Variants in GALNT13 observed in about 807,000 individuals in gnomAD.
GALNT13 encodes UDP-GalNAc:polypeptide N-acetylgalactosaminyltransferase 13.
In GALNT13, 28 loss-of-function variants were observed where a neutral mutation model predicts 64.2. The observed-to-expected ratio is 0.44, with a 90% confidence interval of 0.32 to 0.60. The LOEUF (loss-of-function observed/expected upper bound fraction) is 0.60. Ranked by LOEUF, GALNT13 falls within the 20% of genes least tolerant of loss-of-function variation. GALNT13 has a pLI of 0.05. For missense variants in GALNT13, 577 were observed against 669.8 expected (o/e 0.86, Z 1.53); for synonymous variants, 214 against 224.6 (o/e 0.95, Z 0.42).
rs138432368 is a variant in GALNT13, at chr2:154,370,048, G to C, written c.1157-25943G>C. Among the ~76,000 whole-genome samples the C allele has an allele frequency of 4.3e-3, 654 of 152,212 alleles. 3 individuals are homozygous for C. Among genetic ancestry groups the C allele is most frequent in the African/African-American group, 0.015 (614 of 41,552 alleles). ...ATGAATCCTATTGGATTGGAGCCCT[G>C]CCCTGAGATTTCATTTTTTAAATTT... On this transcript the variant is annotated intron_variant, in intron 9 of 12. Transcript: ENST00000392825.
chr2:153,369,807 A>C, the GALNT13 span, among the ~76,000 whole-genome samples: 1 of 152,176 alleles, frequency 6.6e-6, no homozygotes, highest in Non-Finnish European at 1.5e-5. Context: ...AAGGCCTGAC[A>C]ATAACCACTT....
the GALNT13 span, among the ~76,000 whole-genome samples, chr2:153,438,710 T>G: frequency 6.6e-6 from 1 of 152,206 alleles, no homozygotes; most frequent in Non-Finnish European, 1.5e-5. Context: ...CATTGGTTAT[T>G]CTAGTTACCA....
the GALNT13 span, among the ~76,000 whole-genome samples, chr2:153,162,291 C>T: frequency 1.3e-5 from 2 of 152,152 alleles, no homozygotes; most frequent in African/African-American, 4.8e-5. Context: ...TTAATTTTCA[C>T]ATTTTTCATC....
the GALNT13 span, among the ~76,000 whole-genome samples, chr2:153,698,371 A>G: frequency 6.6e-6 from 1 of 152,216 alleles, no homozygotes. Flanking sequence ...AAAGACATAC[A>G]TAGGCTCAAA....
At chr2:154,370,423 CA>C (rs1158161246) in intron 9 of GALNT13, among the ~76,000 whole-genome samples, 4 of 151,964 alleles carry the variant, frequency 2.6e-5, no homozygotes, top group African/African-American at 9.7e-5. Context: ...ACTTCACAGT[CA>C]AAAAATAACT....
intron 9 of GALNT13, among the ~76,000 whole-genome samples, chr2:154,377,155 T>A (rs1200171930): frequency 6.6e-6 from 1 of 152,168 alleles, no homozygotes; most frequent in Non-Finnish European, 1.5e-5. Context: ...CATATTTAAA[T>A]ATATATTAGC....
chr2:154,097,505 ACT>A lies in GALNT13; in HGVS notation c.143-42831_143-42830del, dbSNP rs760255203. Among the ~76,000 whole-genome samples, 14 of 152,120 alleles carry A rather than the reference ACT, an allele frequency of 9.2e-5. No homozygotes were observed. The East Asian group carries it at 1.3e-3, about 15-fold the overall frequency. On this transcript the variant is annotated intron_variant, in intron 3 of 12. Transcript: ENST00000392825. The stretch of plus-strand genomic sequence containing the variant: ...TAAACCTAACATAAAGATAATATAC[ACT>A]GTTTATTAAAACAAACAAAATTATT...
the GALNT13 span, among the ~76,000 whole-genome samples, chr2:153,547,663 C>T: frequency 1.3e-5 from 2 of 152,128 alleles, no homozygotes; most frequent in African/African-American, 4.8e-5. Context: ...TAGGTAAGAA[C>T]ACATGTAATG....
chr2:154,150,510 G>T (rs200371387), intron 4 of GALNT13, among the ~76,000 whole-genome samples: 21 of 150,370 alleles, frequency 1.4e-4, no homozygotes, highest in African/African-American at 4.2e-4. Context: ...AATGGTACCA[G>T]TTCCTCCTTG....
chr2:153,946,839 A>T (rs750080535), intron 3 of GALNT13, among the ~76,000 whole-genome samples: 17 of 152,096 alleles, frequency 1.1e-4, no homozygotes, highest in Non-Finnish European at 2.4e-4. Context: ...AATAGACTTG[A>T]GGGTTTTAAT....
At chr2:154,118,079 T>C (rs1226537673) in intron 3 of GALNT13, among the ~76,000 whole-genome samples, 1 of 152,212 alleles carries the variant, frequency 6.6e-6, no homozygotes, top group Non-Finnish European at 1.5e-5. Context: ...ATTAATTTTC[T>C]GTTTATAAGT....
At chr2:153,641,611 G>A in the GALNT13 span, among the ~76,000 whole-genome samples, 1 of 152,094 alleles carries the variant, frequency 6.6e-6, no homozygotes, top group Non-Finnish European at 1.5e-5. Flanking sequence ...TCCACTATAT[G>A]TTAAATGATT....
chr2:153,243,180 C>A, the GALNT13 span, among the ~76,000 whole-genome samples: 1 of 152,238 alleles, frequency 6.6e-6, no homozygotes, highest in East Asian at 1.9e-4. Context: ...GGGCTGATTA[C>A]AAAATAGGCT....
the GALNT13 span, chr2:153,356,425 T>C: frequency 6.6e-6 from 1 of 152,200 alleles, no homozygotes; most frequent in African/African-American, 2.4e-5. Context: ...GCATCAGGAC[T>C]GTGTCTGGTA....
chr2:153,770,354 T>C, the GALNT13 span, among the ~76,000 whole-genome samples: 8 of 152,186 alleles, frequency 5.3e-5, no homozygotes, highest in African/African-American at 1.9e-4. Flanking sequence ...TGTTTTTAAG[T>C]TCCTTGGTTA....
the GALNT13 span, among the ~76,000 whole-genome samples, chr2:153,211,790 T>C: frequency 6.6e-6 from 1 of 152,166 alleles, no homozygotes; most frequent in Non-Finnish European, 1.5e-5. Flanking sequence ...TATATAGTCA[T>C]CAGGGTATGA....
Position 154,242,742 on chromosome 2 carries a change from G to A in GALNT13, c.523G>A (p.Val175Met), listed in dbSNP as rs750564424. The A allele has an allele frequency of 5.6e-6, 9 of 1,613,576 alleles. No individual in the cohort carries two copies. Among genetic ancestry groups the A allele is most frequent in the Non-Finnish European group, 7.6e-6 (9 of 1,179,610 alleles). ...AGAGAATTACGTGAAAAATTTAGAAGTGCCAGTAAAAATTATTAGGATGGA... is the reference window on the plus strand; with the variant it reads ...AGAGAATTACGTGAAAAATTTAGAAATGCCAGTAAAAATTATTAGGATGGA... ...TLENYVKNLE[V>M]PVKIIRMEER... is the part of the protein sequence containing the mutation. The change falls in exon 6 of 13, where the codon GTG (valine) becomes ATG (methionine). Residue 175 changes from valine (V) to methionine (M), a missense_variant. By Grantham distance (21) the Val-to-Met change is conservative. This residue lies in a region of GALNT13 where 341 missense variants were observed against 379.3 expected (regional missense o/e 0.90). Transcript: ENST00000392825.
the GALNT13 span, among the ~76,000 whole-genome samples, chr2:153,535,145 G>A: frequency 6.6e-6 from 1 of 152,024 alleles, no homozygotes; most frequent in African/African-American, 2.4e-5. Context: ...GTGGTAAGGG[G>A]TGATATTGTG....
At chr2:154,027,078 G>T (rs1235561189) in intron 3 of GALNT13, among the ~76,000 whole-genome samples, 1 of 152,110 alleles carries the variant, frequency 6.6e-6, no homozygotes, top group Non-Finnish European at 1.5e-5. Context: ...TAGAGTGGAA[G>T]ATTCAAAAGT....
Sources: gnomAD v4.1 joint callset for allele counts (sites outside exome capture counted in the v4.1 genomes callset) on GRCh38, gnomAD v4.1.1 for gene constraint, gnomAD v4.1.1 regional missense constraint, MANE v1.5 for transcripts, NCBI Gene and HGNC (gene_info 2026-07-23, HGNC 2026-07-21) for gene names.